Variants in HECW1 observed in about 807,000 individuals in gnomAD.
HECW1 encodes HECT, C2 and WW domain containing E3 ubiquitin protein ligase 1, also known as E3 ubiquitin-protein ligase HECW1.
Under a neutral mutation model 182.3 loss-of-function variants are expected in HECW1, and 61 were observed. That is an observed-to-expected ratio of 0.33 (90% CI 0.27 to 0.41). The LOEUF is 0.41. Among genes scored for constraint, HECW1 ranks in the 10% least tolerant of loss-of-function variants. The pLI, the probability that HECW1 is intolerant of heterozygous loss-of-function variation, is 1.00. For synonymous variants in HECW1, 859 were observed against 832.6 expected, an observed-to-expected ratio of 1.03 and a Z score of -0.55; for missense variants, 1,739 against 2,108.9, an observed-to-expected ratio of 0.82 and a Z score of 3.44.
intron 12 of HECW1, among the ~76,000 whole-genome samples, chr7:43,453,396 A>G (rs1381373628): frequency 1.3e-5 from 2 of 152,174 alleles, no homozygotes; most frequent in Non-Finnish European, 2.9e-5. Context: ...GTTTCAACCT[A>G]CAAAGATGGA....
chr7:43,238,000 A>G (rs1279014875), intron 2 of HECW1, among the ~76,000 whole-genome samples: 2 of 152,186 alleles, frequency 1.3e-5, no homozygotes, highest in Non-Finnish European at 1.5e-5. Flanking sequence ...CTGCCCCATC[A>G]TATTGCTTTT....
At chr7:43,521,611 C>T (rs1003415545) in intron 24 of HECW1, among the ~76,000 whole-genome samples, 2 of 152,206 alleles carry the variant, frequency 1.3e-5, no homozygotes, top group African/African-American at 4.8e-5. Context: ...CAAGGAAAGT[C>T]ATGCCTGTAA....
intron 6 of HECW1, among the ~76,000 whole-genome samples, chr7:43,392,044 C>T (rs1398785184): frequency 1.3e-5 from 2 of 152,152 alleles, no homozygotes; most frequent in Non-Finnish European, 2.9e-5. Flanking sequence ...TGCCAATACA[C>T]CACAGCTTAC....
At chr7:43,159,570 A>G (rs1790284057) in intron 2 of HECW1, among the ~76,000 whole-genome samples, 1 of 152,186 alleles carries the variant, frequency 6.6e-6, no homozygotes, top group African/African-American at 2.4e-5. Flanking sequence ...GAGATTGCCA[A>G]ATTGTCCATC....
At position 43,312,034 on chromosome 7, in the gene HECW1, G is replaced by T; in HGVS notation, c.299G>T (p.Trp100Leu). The change falls in exon 4 of 30, where the codon TGG becomes TTG. Residue 100 changes from tryptophan (W) to leucine (L), a missense_variant. Physicochemically the swap from Trp to Leu is moderately conservative, Grantham distance 61. Around this residue, in one of 5 missense-constraint regions of HECW1, gnomAD observed 279 missense variants for 353.1 expected, o/e 0.79. Transcript: ENST00000395891. ...IGHSQDLVIH[W>L]DIKEEVDAGD... ...CACTCTCAGGACCTGGTCATCCACT[G>T]GGACATAAAGGAGGAAGTGGACGCT... 3.7e-6 allele frequency: 6 copies of T among 1,614,238 alleles called. No homozygotes were observed. Among genetic ancestry groups the T allele is most frequent in the Non-Finnish European group, 5.1e-6 (6 of 1,180,038 alleles).
chr7:43,169,868 C>G (rs749662283), intron 2 of HECW1, among the ~76,000 whole-genome samples: 2 of 152,014 alleles, frequency 1.3e-5, no homozygotes, highest in South Asian at 2.1e-4. Context: ...CAATTCCCCA[C>G]CCCCAGGAGA....
In HECW1 at chr7:43,240,213, T is replaced by C. The variant is rs139354461; in HGVS notation, c.-31-3662T>C. On this transcript the variant is annotated intron_variant, in intron 2 of 29. Transcript: ENST00000395891. ...AAAAGCCAGGCATGGTGGTGGGCGCTTGTAGTCCTAGCTACTCGGGAGGCT... is the reference window on the plus strand; with the variant it reads ...AAAAGCCAGGCATGGTGGTGGGCGCCTGTAGTCCTAGCTACTCGGGAGGCT... Among the ~76,000 whole-genome samples, 704 of 152,066 alleles carry C rather than the reference T, an allele frequency of 4.6e-3. 2 individuals carry two copies. Among genetic ancestry groups the C allele is most frequent in the Middle Eastern group, 0.031 (9 of 294 alleles).
intron 3 of HECW1, among the ~76,000 whole-genome samples, chr7:43,301,853 C>A (rs1480256724): frequency 8.8e-5 from 12 of 136,352 alleles, no homozygotes; most frequent in African/African-American, 2.8e-4. Context: ...CCAGCCTAGG[C>A]AACAAGAGTG....
At chr7:43,502,309 CA>C (rs2079395173) in intron 21 of HECW1, among the ~76,000 whole-genome samples, 1 of 152,152 alleles carries the variant, frequency 6.6e-6, no homozygotes, top group East Asian at 1.9e-4. Context: ...AAATTCTTTG[CA>C]GGTATTTTCC....
chr7:43,416,798 G>GC (rs1304344288), intron 8 of HECW1, among the ~76,000 whole-genome samples: 2 of 148,498 alleles, frequency 1.3e-5, no homozygotes, highest in African/African-American at 2.5e-5. Flanking sequence ...TTTTCCAGGT[G>GC]CGTCCGTCAC....
intron 2 of HECW1, among the ~76,000 whole-genome samples, chr7:43,129,472 G>T (rs1786662497): frequency 2.6e-5 from 4 of 152,076 alleles, no homozygotes; most frequent in Admixed American, 2.6e-4. Flanking sequence ...ACTGCTAATA[G>T]ACTACAGTAT....
At chr7:43,198,543 ACT>A (rs750671796) in intron 2 of HECW1, among the ~76,000 whole-genome samples, 94 of 146,518 alleles carry the variant, frequency 6.4e-4, no homozygotes, top group African/African-American at 1.9e-3. Flanking sequence ...CACACTCCAC[ACT>A]CTCACACACC....
intron 3 of HECW1, among the ~76,000 whole-genome samples, chr7:43,284,482 C>T (rs1292826213): frequency 2.1e-5 from 1 of 47,494 alleles, no homozygotes; most frequent in Non-Finnish European, 3.8e-5. Context: ...GCCTGGGCAA[C>T]AAAGTGAGAC....
chr7:43,539,381 A>G (rs10807917), intron 24 of HECW1, among the ~76,000 whole-genome samples: 23,743 of 152,150 alleles, frequency 0.16, 2,175 homozygotes, highest in East Asian at 0.34. Flanking sequence ...AAAAATATGT[A>G]TATCCAGTCC....
At chr7:43,366,611 A>G (rs1035849184) in intron 6 of HECW1, among the ~76,000 whole-genome samples, 2 of 152,192 alleles carry the variant, frequency 1.3e-5, no homozygotes, top group African/African-American at 4.8e-5. Flanking sequence ...AGACACCTCA[A>G]CTTTATAATA....
chr7:43,440,890 C>G (rs910266991), intron 9 of HECW1, among the ~76,000 whole-genome samples: 1 of 152,050 alleles, frequency 6.6e-6, no homozygotes, highest in African/African-American at 2.4e-5. Flanking sequence ...TAAGTCGGGG[C>G]TTGTTGGGAT....
At position 43,238,785 on chromosome 7, in the gene HECW1, C is replaced by CT. The variant is rs547024512; in HGVS notation, c.-31-5082dup. Reference sequence around the variant, plus strand: ...TAAAGCCTGGACTATTTGTCAAAGCCTTTTTTTTCCCTCTAATGTAAGAGG... The same window carrying CT: ...TAAAGCCTGGACTATTTGTCAAAGCCTTTTTTTTTCCCTCTAATGTAAGAGG... On this transcript the variant is annotated intron_variant, in intron 2 of 29. Coordinates refer to ENST00000395891, the MANE Select transcript of HECW1 (RefSeq NM_015052.5). 3.9e-5 allele frequency among the ~76,000 whole-genome samples: 6 copies of CT among 151,994 alleles called. No homozygotes were observed. The South Asian group carries it at 8.3e-4, about 21-fold the overall frequency.
At chr7:43,194,147 C>A (rs1335325662) in intron 2 of HECW1, among the ~76,000 whole-genome samples, 16 of 151,930 alleles carry the variant, frequency 1.1e-4, no homozygotes, top group Admixed American at 1.0e-3. Context: ...GAGGCGTGTC[C>A]CATATGGCCT....
intron 8 of HECW1, among the ~76,000 whole-genome samples, chr7:43,435,215 A>G (rs954561509): frequency 1.3e-5 from 2 of 151,890 alleles, no homozygotes; most frequent in Non-Finnish European, 2.9e-5. Flanking sequence ...TACCTAACCT[A>G]TTGTTGGGTA....
Sources: gnomAD v4.1 joint callset for allele counts (sites outside exome capture counted in the v4.1 genomes callset) on GRCh38, gnomAD v4.1.1 for gene constraint, gnomAD v4.1.1 regional missense constraint, MANE v1.5 for transcripts, NCBI Gene and HGNC (gene_info 2026-07-23, HGNC 2026-07-21) for gene names.